ONECUT2: variants seen among roughly 807,000 people sequenced by gnomAD.
ONECUT2 encodes the protein one cut homeobox 2.
ONECUT2 carries 10 observed loss-of-function variants against 27.9 expected under a neutral mutation model. That is an observed-to-expected ratio of 0.36 (90% CI 0.22 to 0.61). The LOEUF is 0.61. Among genes scored for constraint, ONECUT2 ranks in the 20% least tolerant of loss-of-function variants. The pLI, the probability that ONECUT2 is intolerant of heterozygous loss-of-function variation, is 0.73. For synonymous variants in ONECUT2, 334 were observed against 315.1 expected (o/e 1.06, Z -0.64); for missense variants, 686 against 721.0 (o/e 0.95, Z 0.56).
At chr18:57,447,496 T>C (rs549463773) in intron 1 of ONECUT2, among the ~76,000 whole-genome samples, 1 of 152,362 alleles carries the variant, frequency 6.6e-6, no homozygotes, top group African/African-American at 2.4e-5. Context: ...AGGCGGCATC[T>C]GGGTGAGAAG....
intron 1 of ONECUT2, among the ~76,000 whole-genome samples, chr18:57,474,954 G>C (rs1241474961): frequency 6.6e-6 from 1 of 152,032 alleles, no homozygotes; most frequent in Non-Finnish European, 1.5e-5. Context: ...GAGGGCGACT[G>C]CCCCATCTGG....
chr18:57,457,615 G>A (rs1206406937), intron 1 of ONECUT2, among the ~76,000 whole-genome samples: 1 of 152,114 alleles, frequency 6.6e-6, no homozygotes, highest in Non-Finnish European at 1.5e-5. Flanking sequence ...TACTGCCTGT[G>A]AATAGCCACT....
intron 1 of ONECUT2, among the ~76,000 whole-genome samples, chr18:57,464,778 G>A (rs1031752172): frequency 6.6e-6 from 1 of 152,156 alleles, no homozygotes; most frequent in African/African-American, 2.4e-5. Context: ...AACTTTTTAG[G>A]ATGTTTGGAA....
At position 57,481,821 on chromosome 18, in the gene ONECUT2, G is replaced by C. The variant is rs751171614; in HGVS notation, c.*5098G>C. 1 of 152,194 alleles carries C rather than the reference G, an allele frequency of 6.6e-6. No individual in the cohort carries two copies. Among genetic ancestry groups the C allele is most frequent in the Non-Finnish European group, 1.5e-5 (1 of 68,044 alleles). The allele number at this position is 152,194 out of a possible 1,614,324, so 9.4% of individuals were successfully genotyped here. On this transcript the variant is annotated 3_prime_UTR_variant, in exon 2 of 2. Transcript: ENST00000491143. ...AGAAAAAGATAATACATGTGGTCAA[G>C]GTTGACCACAAGGCCCAGGCACAAC... is the stretch of plus-strand genomic sequence containing the variant.
chr18:57,466,929 G>C (rs768116572), intron 1 of ONECUT2, among the ~76,000 whole-genome samples: 1 of 152,200 alleles, frequency 6.6e-6, no homozygotes, highest in Non-Finnish European at 1.5e-5. Context: ...ATCTCCACTC[G>C]GTGTACAGGC....
chr18:57,436,997 C>T lies in ONECUT2; in HGVS notation c.1228+53C>T, dbSNP rs999089787. On this transcript the variant is annotated intron_variant, in intron 1 of 1. Coordinates refer to ENST00000491143, the MANE Select transcript of ONECUT2 (RefSeq NM_004852.3). The surrounding 1 kb of genome is among the most constrained non-coding windows in gnomAD (Gnocchi z 5.9). ...GCTGCTGGGAAGAGGGCTCCGGGTCCGGTGCTTGTGGCCCAAGTCTGCGCG... is the reference window on the plus strand; with the variant it reads ...GCTGCTGGGAAGAGGGCTCCGGGTCTGGTGCTTGTGGCCCAAGTCTGCGCG... The T allele has an allele frequency of 9.2e-6, 14 of 1,517,732 alleles. No individual in the cohort carries two copies. Among genetic ancestry groups the T allele is most frequent in the Non-Finnish European group, 1.2e-5 (14 of 1,131,540 alleles). The allele number at this position is 1,517,732 out of a possible 1,614,324, so 94.0% of individuals were successfully genotyped here.
Position 57,483,591 on chromosome 18 carries a change from G to A in ONECUT2, c.*6868G>A, listed in dbSNP as rs973736899. 28 of 152,616 alleles carry A rather than the reference G, an allele frequency of 1.8e-4. No homozygotes were observed. Among genetic ancestry groups the A allele is most frequent in the South Asian group, 4.2e-4 (2 of 4,816 alleles). 9.5% of individuals were successfully genotyped at this position (152,616 alleles called of 1,614,324 possible). On this transcript the variant is annotated 3_prime_UTR_variant, in exon 2 of 2. Transcript: ENST00000491143. Reference sequence around the variant, plus strand: ...CCTTGTACTTATTTATCAAAACCTAGACCAATGGTGCATCAGAGATGCAAA... The same window carrying A: ...CCTTGTACTTATTTATCAAAACCTAAACCAATGGTGCATCAGAGATGCAAA...
chr18:57,484,778 G>A lies in ONECUT2; in HGVS notation c.*8055G>A, dbSNP rs1266039837. ...TATCCAAATCAAATAACTCTTGAGAGTGAAAGCCCACACATGCCTCCTGGT... is the reference window on the plus strand; with the variant it reads ...TATCCAAATCAAATAACTCTTGAGAATGAAAGCCCACACATGCCTCCTGGT... On this transcript the variant is annotated 3_prime_UTR_variant, in exon 2 of 2. Transcript: ENST00000491143. The A allele has an allele frequency of 6.6e-6, 1 of 152,320 alleles. No homozygotes were observed. The highest frequency in any genetic ancestry group is 1.5e-5 in the Non-Finnish European group (1 of 68,142). The allele number at this position is 152,320 out of a possible 1,614,324, so 9.4% of individuals were successfully genotyped here. A position where few individuals can be genotyped will look rare whatever the true frequency, so the allele number is the denominator to read the frequency against.
At chr18:57,458,258 C>G (rs1301320515) in intron 1 of ONECUT2, among the ~76,000 whole-genome samples, 1 of 152,060 alleles carries the variant, frequency 6.6e-6, no homozygotes, top group Non-Finnish European at 1.5e-5. Flanking sequence ...GAATAAAGTC[C>G]TCTTTGCCTA....
rs747773399 is a variant in ONECUT2, at chr18:57,436,244, GCACCAC to G, written c.549_554del (p.His183_His184del). 2.2e-5 allele frequency: 35 copies of G among 1,590,940 alleles called. No homozygotes were observed. Among genetic ancestry groups the G allele is most frequent in the East Asian group, 1.8e-4 (8 of 44,100 alleles). On this transcript the variant is annotated inframe_deletion, in exon 1 of 2. Coordinates refer to ENST00000491143, the MANE Select transcript of ONECUT2 (RefSeq NM_004852.3). The surrounding 1 kb of genome is among the most constrained non-coding windows in gnomAD (Gnocchi z 5.9). ...ACCACCCTCACCCGCACCACCATCC[GCACCAC>G]CACCACCACCACCACCACCAGCGCC...
intron 1 of ONECUT2, among the ~76,000 whole-genome samples, chr18:57,462,654 G>C (rs959427192): frequency 6.6e-6 from 1 of 151,446 alleles, no homozygotes; most frequent in African/African-American, 2.4e-5. Flanking sequence ...TTCTCTTTGG[G>C]CTAGTACTTT....
At chr18:57,439,981 C>T (rs571064350) in intron 1 of ONECUT2, among the ~76,000 whole-genome samples, 1 of 152,370 alleles carries the variant, frequency 6.6e-6, no homozygotes, top group African/African-American at 2.4e-5. Flanking sequence ...ACAACAGAGG[C>T]AGGTCCTTCC....
Position 57,436,650 on chromosome 18 carries a change from C to G in ONECUT2, c.934C>G (p.Arg312Gly). The G allele has an allele frequency of 6.2e-7, 1 of 1,612,282 alleles. No homozygotes were observed. ...TCACGGGCCGGTGCTGGCACCCAGT[C>G]GCGAGCGGCCACCCTCGTCCTCATC... Reference protein sequence around the residue: ...QSHGPVLAPSRERPPSSSSGS... With the variant: ...QSHGPVLAPSGERPPSSSSGS... Residue 312 changes from arginine (R) to glycine (G), a missense_variant, in exon 1 of 2, where the codon CGC (arginine) becomes GGC (glycine). Coordinates refer to ENST00000491143, the MANE Select transcript of ONECUT2 (RefSeq NM_004852.3). The surrounding 1 kb of genome is among the most constrained non-coding windows in gnomAD (Gnocchi z 5.9).
At chr18:57,461,619 C>G (rs2050292128) in intron 1 of ONECUT2, among the ~76,000 whole-genome samples, 1 of 152,186 alleles carries the variant, frequency 6.6e-6, no homozygotes, top group Admixed American at 6.5e-5. Flanking sequence ...GTAGAGTGGG[C>G]AAATGGAGCT....
chr18:57,458,526 C>T (rs1280529681), intron 1 of ONECUT2, among the ~76,000 whole-genome samples: 1 of 152,146 alleles, frequency 6.6e-6, no homozygotes, highest in Non-Finnish European at 1.5e-5. Context: ...GTATGCCTAC[C>T]CAGCTTCTAC....
In ONECUT2 at chr18:57,444,888, G is replaced by T. The variant is rs79531488; in HGVS notation, c.1228+7944G>T. On this transcript the variant is annotated intron_variant, in intron 1 of 1. Coordinates refer to ENST00000491143, the MANE Select transcript of ONECUT2 (RefSeq NM_004852.3). ...AAAAATGGGAAGGGGGGTGGGAAGA[G>T]AGGGGGTCAGGAGGCAGAATTGTGG... Among the ~76,000 whole-genome samples the T allele has an allele frequency of 5.4e-3, 827 of 152,262 alleles. 6 individuals are homozygous for T. Among genetic ancestry groups the T allele is most frequent in the Non-Finnish European group, 8.1e-3 (548 of 68,026 alleles).
rs148610426 is a variant in ONECUT2 at position 57,445,239 on chromosome 18, G to A, written c.1228+8295G>A. ...CCAGAAATGCAATATTTTGGACTCT[G>A]TATATGAGCATAAACACTGAAGTCA... On this transcript the variant is annotated intron_variant, in intron 1 of 1. Coordinates refer to ENST00000491143, the MANE Select transcript of ONECUT2 (RefSeq NM_004852.3). 2.6e-3 allele frequency among the ~76,000 whole-genome samples: 397 copies of A among 152,280 alleles called. 4 individuals carry two copies. Among genetic ancestry groups the A allele is most frequent in the African/African-American group, 9.1e-3 (377 of 41,574 alleles).
At chr18:57,456,016 C>T (rs1168241183) in intron 1 of ONECUT2, among the ~76,000 whole-genome samples, 1 of 152,206 alleles carries the variant, frequency 6.6e-6, no homozygotes, top group Non-Finnish European at 1.5e-5. Flanking sequence ...CCAGTTCTTC[C>T]AACTGAAAGT....
At position 57,436,323 on chromosome 18, in the gene ONECUT2, G is replaced by T. The variant is rs1219945696; in HGVS notation, c.607G>T (p.Gly203Trp). The T allele has an allele frequency of 6.9e-6, 11 of 1,604,432 alleles. No homozygotes were observed. The highest frequency in any genetic ancestry group is 9.3e-6 in the Non-Finnish European group (11 of 1,179,768). Reference protein sequence around the residue: ...GSFTLMRDERGLPAMNNLYSP... With the variant: ...GSFTLMRDERWLPAMNNLYSP... The stretch of plus-strand genomic sequence containing the variant: ...CTTCACCCTCATGCGCGACGAGCGC[G>T]GGCTCCCGGCCATGAACAACCTCTA... Residue 203 changes from glycine (G) to tryptophan (W), a missense_variant, in exon 1 of 2, where the codon GGG becomes TGG. By Grantham distance (184) the Gly-to-Trp change is radical. Coordinates refer to ENST00000491143, the MANE Select transcript of ONECUT2 (RefSeq NM_004852.3). The surrounding 1 kb of genome is among the most constrained non-coding windows in gnomAD (Gnocchi z 5.9).
Sources: allele counts gnomAD v4.1 joint callset (sites outside exome capture counted in the v4.1 genomes callset), GRCh38; gene constraint gnomAD v4.1.1; non-coding constraint Gnocchi (gnomAD v3.1); transcripts MANE v1.5; gene names NCBI Gene and HGNC (gene_info 2026-07-23, HGNC 2026-07-21).